GABBR2: variants seen among roughly 807,000 people sequenced by gnomAD.
The protein encoded by GABBR2 is gamma-aminobutyric acid type B receptor subunit 2.
In GABBR2, 23 loss-of-function variants were observed where a neutral mutation model predicts 105.6. The observed-to-expected ratio is 0.22, with a 90% CI of 0.16 to 0.31. The LOEUF (loss-of-function observed/expected upper bound fraction) is 0.31. GABBR2 is among the 10% of genes least tolerant of loss of function. The probability of loss-of-function intolerance (pLI) is 1.00; values close to 1 mark genes in which losing one functional copy is unlikely to be tolerated. For synonymous variants in GABBR2, 478 were observed against 499.7 expected (o/e 0.96, Z 0.58); for missense variants, 734 against 1,245.5 (o/e 0.59, Z 6.18).
chr9:98,658,389 TTGAATGAATGAATGAA>T lies in GABBR2; in HGVS notation c.321+50012_321+50027del, dbSNP rs3032163. On this transcript the variant is annotated intron_variant, in intron 1 of 18. Coordinates refer to ENST00000259455, the MANE Select transcript of GABBR2 (RefSeq NM_005458.8). ...ACAGCTTCAGTGGAGAGCCACTGTG[TTGAATGAATGAATGAA>T]TGAATGAATGAATGAATGAATGTAT... Among the ~76,000 whole-genome samples the T allele has an allele frequency of 3.7e-3, 548 of 149,706 alleles. 4 individuals carry two copies. The highest frequency in any genetic ancestry group is 0.013 in the African/African-American group (513 of 40,658).
intron 7 of GABBR2, among the ~76,000 whole-genome samples, chr9:98,444,705 C>A (rs1430191840): frequency 2.6e-5 from 4 of 152,058 alleles, no homozygotes; most frequent in Non-Finnish European, 5.9e-5. Flanking sequence ...CACAGAGGGC[C>A]CATCAGCAAT....
At chr9:98,557,552 T>C (rs1828607979) in intron 2 of GABBR2, among the ~76,000 whole-genome samples, 1 of 152,060 alleles carries the variant, frequency 6.6e-6, no homozygotes, top group African/African-American at 2.4e-5. Context: ...AAGTACTGAG[T>C]TCCCCAGCAC....
At chr9:98,505,747 C>G (rs111642602) in intron 3 of GABBR2, among the ~76,000 whole-genome samples, 72 of 152,280 alleles carry the variant, frequency 4.7e-4, no homozygotes, top group African/African-American at 1.7e-3. Context: ...AGTGATGCAT[C>G]TGCCGGCAAG....
At chr9:98,671,308 G>A (rs1181630390) in intron 1 of GABBR2, among the ~76,000 whole-genome samples, 1 of 152,158 alleles carries the variant, frequency 6.6e-6, no homozygotes, top group Admixed American at 6.5e-5. Context: ...GCCCATCCAT[G>A]TCGTAGCATG....
At chr9:98,440,354 G>A (rs758875271) in intron 7 of GABBR2, among the ~76,000 whole-genome samples, 4 of 152,216 alleles carry the variant, frequency 2.6e-5, no homozygotes, top group Non-Finnish European at 5.9e-5. Context: ...CTGAGATGAA[G>A]AGAGATTGAT....
At chr9:98,658,707 G>C (rs1564143670) in intron 1 of GABBR2, among the ~76,000 whole-genome samples, 2 of 152,188 alleles carry the variant, frequency 1.3e-5, no homozygotes, top group African/African-American at 4.8e-5. Flanking sequence ...CTTTGTTCAA[G>C]TAATGCAGAA....
chr9:98,577,337 A>G (rs1293989761), intron 2 of GABBR2, among the ~76,000 whole-genome samples: 1 of 152,278 alleles, frequency 6.6e-6, no homozygotes, highest in East Asian at 1.9e-4. Flanking sequence ...AGTCTCACCT[A>G]CAATAGACTG....
intron 8 of GABBR2, among the ~76,000 whole-genome samples, chr9:98,402,758 T>G (rs1832416485): frequency 6.6e-6 from 1 of 152,160 alleles, no homozygotes; most frequent in East Asian, 1.9e-4. Flanking sequence ...TATCCTCCCC[T>G]TCTCATCCAT....
intron 3 of GABBR2, among the ~76,000 whole-genome samples, chr9:98,517,323 C>A (rs1195260695): frequency 6.6e-6 from 1 of 152,158 alleles, no homozygotes; most frequent in East Asian, 1.9e-4. Context: ...CTTTCCCACC[C>A]CTTCCTGTGG....
chr9:98,432,303 A>G (rs1223887886), intron 7 of GABBR2, among the ~76,000 whole-genome samples: 8 of 152,184 alleles, frequency 5.3e-5, no homozygotes, highest in Non-Finnish European at 1.2e-4. Context: ...GGGGACAGAG[A>G]AAAAGGGGTG....
intron 3 of GABBR2, among the ~76,000 whole-genome samples, chr9:98,507,922 TCAGTCTTC>T (rs1429370476): frequency 1.3e-5 from 2 of 152,198 alleles, no homozygotes; most frequent in Non-Finnish European, 2.9e-5. Context: ...TCCCCAACCA[TCAGTCTTC>T]CCTTTGGCCC....
intron 13 of GABBR2, among the ~76,000 whole-genome samples, chr9:98,359,474 C>T (rs1831544771): frequency 1.3e-5 from 2 of 152,096 alleles, no homozygotes; most frequent in South Asian, 2.1e-4. Context: ...ATATTTATGG[C>T]ACAGAAATGA....
At chr9:98,478,629 G>A (rs774038318) in intron 5 of GABBR2, among the ~76,000 whole-genome samples, 1 of 152,202 alleles carries the variant, frequency 6.6e-6, no homozygotes, top group African/African-American at 2.4e-5. Flanking sequence ...AAGCCAGGGG[G>A]CTTTGGGTTG....
chr9:98,310,323 A>G (rs1588093267), intron 14 of GABBR2, among the ~76,000 whole-genome samples: 1 of 151,700 alleles, frequency 6.6e-6, no homozygotes, highest in Non-Finnish European at 1.5e-5. Context: ...ATCTCGGCCC[A>G]CCGCAACCTC....
rs1020284483 is a variant in GABBR2 at position 98,339,808 on chromosome 9, C to T, written c.1893+22907G>A. Among the ~76,000 whole-genome samples, 22 of 152,298 alleles carry T rather than the reference C, an allele frequency of 1.4e-4. No individual in the cohort carries two copies. In the East Asian group the frequency reaches 3.9e-3, roughly 27 times the overall value. On this transcript the variant is annotated intron_variant, in intron 13 of 18. Coordinates refer to ENST00000259455, the MANE Select transcript of GABBR2 (RefSeq NM_005458.8). Reference sequence around the variant, plus strand: ...TCCCCCTGTATTCTCATGGAGCTCACATTCTAGTGAATGGTGTGGTATTTG... The same window carrying T: ...TCCCCCTGTATTCTCATGGAGCTCATATTCTAGTGAATGGTGTGGTATTTG...
rs1732547899 is a variant in GABBR2, at chr9:98,530,809, A to G, written c.630+11064T>C. 4.6e-5 allele frequency among the ~76,000 whole-genome samples: 7 copies of G among 152,254 alleles called. No individual in the cohort carries two copies. In the South Asian group the frequency reaches 1.5e-3, roughly 32 times the overall value. The stretch of plus-strand genomic sequence containing the variant: ...AAAAAAAAAATAGGGAGACCACACC[A>G]TGCTGAATAATTGAACATAACTACC... On this transcript the variant is annotated intron_variant, in intron 3 of 18. Transcript: ENST00000259455.
intron 8 of GABBR2, among the ~76,000 whole-genome samples, chr9:98,403,000 T>TA (rs1439711947): frequency 1.3e-5 from 2 of 151,998 alleles, no homozygotes; most frequent in African/African-American, 2.4e-5. Context: ...AATGTCTGTT[T>TA]AAAAAAACAT....
chr9:98,694,648 A>G (rs1830725807), intron 1 of GABBR2, among the ~76,000 whole-genome samples: 1 of 152,308 alleles, frequency 6.6e-6, no homozygotes, highest in Middle Eastern at 3.4e-3. Context: ...GCCCAGAATT[A>G]ATTACTCTTT....
intron 7 of GABBR2, among the ~76,000 whole-genome samples, chr9:98,423,597 C>T (rs1209160621): frequency 6.6e-6 from 1 of 152,224 alleles, no homozygotes; most frequent in Non-Finnish European, 1.5e-5. Flanking sequence ...TGTGCAGAAG[C>T]ACTTTAGTTT....
Sources: allele counts gnomAD v4.1 joint callset (sites outside exome capture counted in the v4.1 genomes callset), GRCh38; gene constraint gnomAD v4.1.1; transcripts MANE v1.5; gene names NCBI Gene and HGNC (gene_info 2026-07-23, HGNC 2026-07-21).